OXR1: variants seen among roughly 807,000 people sequenced by gnomAD.
OXR1 encodes the protein oxidation resistance 1.
A neutral mutation model predicts 104.6 loss-of-function variants in OXR1; 41 were observed. That is an observed-to-expected ratio of 0.39 (90% CI 0.31 to 0.51). OXR1 has a LOEUF of 0.51. Among genes scored for constraint, OXR1 ranks in the 20% least tolerant of loss-of-function variants. The pLI is 0.77. For missense variants in OXR1, 955 were observed against 1,031.9 expected, an observed-to-expected ratio of 0.93 and a Z score of 1.02; for synonymous variants, 348 against 348.4, an observed-to-expected ratio of 1.00 and a Z score of 0.01.
intron 3 of OXR1, among the ~76,000 whole-genome samples, chr8:106,583,788 A>G (rs1818425547): frequency 6.6e-6 from 1 of 152,146 alleles, no homozygotes; most frequent in South Asian, 2.1e-4. Context: ...TTCGAAAAGC[A>G]GATTGACCTA....
At chr8:106,728,424 A>G (rs895117389) in intron 11 of OXR1, among the ~76,000 whole-genome samples, 4 of 152,104 alleles carry the variant, frequency 2.6e-5, no homozygotes, top group African/African-American at 4.8e-5. Flanking sequence ...CCAAATGCCT[A>G]TGTATGTAGT....
At chr8:106,606,803 T>C (rs1202478086) in intron 3 of OXR1, among the ~76,000 whole-genome samples, 1 of 152,122 alleles carries the variant, frequency 6.6e-6, no homozygotes, top group Non-Finnish European at 1.5e-5. Context: ...CAGGGATCAA[T>C]ATAAGAATAT....
chr8:106,609,645 G>A (rs1179646950), intron 3 of OXR1, among the ~76,000 whole-genome samples: 3 of 152,112 alleles, frequency 2.0e-5, no homozygotes, highest in Admixed American at 6.5e-5. Context: ...GTCAAAGTTA[G>A]AATGCAGATG....
chr8:106,656,866 T>C (rs576935794), intron 3 of OXR1, among the ~76,000 whole-genome samples: 1 of 150,676 alleles, frequency 6.6e-6, no homozygotes, highest in Non-Finnish European at 1.5e-5. Flanking sequence ...TCAGGAGGGA[T>C]AGTCTTTAGT....
intron 16 of OXR1, among the ~76,000 whole-genome samples, chr8:106,748,182 G>T (rs1835555597): frequency 6.6e-6 from 1 of 152,146 alleles, no homozygotes; most frequent in South Asian, 2.1e-4. Context: ...GTATTTTCCA[G>T]TGCCAGTGTC....
intron 3 of OXR1, among the ~76,000 whole-genome samples, chr8:106,619,803 A>T (rs1384714846): frequency 3.3e-5 from 5 of 152,062 alleles, no homozygotes; most frequent in Admixed American, 3.3e-4. Context: ...AGATCAGGAG[A>T]TTTGGCGTGA....
chr8:106,510,578 G>A (rs1379081273), intron 2 of OXR1, among the ~76,000 whole-genome samples: 6 of 152,142 alleles, frequency 3.9e-5, no homozygotes, highest in African/African-American at 1.2e-4. Flanking sequence ...AGTATTCATA[G>A]CATAAAATTA....
At chr8:106,591,676 A>G (rs1008188518) in intron 3 of OXR1, among the ~76,000 whole-genome samples, 6 of 152,060 alleles carry the variant, frequency 3.9e-5, no homozygotes, top group Non-Finnish European at 7.4e-5. Flanking sequence ...TATTGCTACC[A>G]CCACCACTAC....
At chr8:106,635,729 T>A (rs1823076446) in intron 3 of OXR1, among the ~76,000 whole-genome samples, 1 of 152,158 alleles carries the variant, frequency 6.6e-6, no homozygotes, top group Non-Finnish European at 1.5e-5. Flanking sequence ...ATTACAGGTG[T>A]GAGCCATTGC....
chr8:106,503,521 G>A (rs920439834), intron 2 of OXR1, among the ~76,000 whole-genome samples: 1 of 152,158 alleles, frequency 6.6e-6, no homozygotes, highest in Non-Finnish European at 1.5e-5. Context: ...AACCCTTAAG[G>A]GTAAGGGGTG....
intron 1 of OXR1, among the ~76,000 whole-genome samples, chr8:106,330,173 G>T (rs1503553): frequency 6.6e-6 from 1 of 151,882 alleles, no homozygotes; most frequent in Admixed American, 6.6e-5. Context: ...TCTCTCTTCC[G>T]TGCTTTTATA....
chr8:106,621,789 T>A (rs1351751424), intron 3 of OXR1, among the ~76,000 whole-genome samples: 3 of 152,204 alleles, frequency 2.0e-5, no homozygotes, highest in Non-Finnish European at 4.4e-5. Flanking sequence ...AGTCATTACT[T>A]GAAAATTATA....
chr8:106,481,150 G>C (rs1822089776), intron 2 of OXR1, among the ~76,000 whole-genome samples: 1 of 151,962 alleles, frequency 6.6e-6, no homozygotes, highest in South Asian at 2.1e-4. Context: ...AGACAGGCAA[G>C]TGCTTTAGTA....
chr8:106,694,341 T>C (rs1160625879), intron 7 of OXR1, among the ~76,000 whole-genome samples: 1 of 148,072 alleles, frequency 6.8e-6, no homozygotes. Context: ...ACTGTTATTG[T>C]GGATTTATCT....
intron 3 of OXR1, among the ~76,000 whole-genome samples, chr8:106,632,945 C>T (rs1255294984): frequency 6.7e-6 from 1 of 148,324 alleles, no homozygotes; most frequent in Non-Finnish European, 1.5e-5. Context: ...TTTCAAAAAA[C>T]AGCCAACCGG....
intron 4 of OXR1, 149 bp downstream of exon 4, chr8:106,679,441 A>G: frequency 2.3e-6 from 1 of 430,782 alleles, no homozygotes; most frequent in South Asian, 6.3e-5. Flanking sequence ...TTTATTTTTT[A>G]GTTGTTGTTT....
Position 106,657,946 on chromosome 8 carries a change from G to T in OXR1, c.221-21264G>T. On this transcript the variant is annotated intron_variant, in intron 3 of 16. Coordinates refer to ENST00000517566, the MANE Select transcript of OXR1 (RefSeq NM_001198533.2). ...GGTGGCCGCCACCGCCGAAACCGTCGACCTCCTGGGCCCCAGTTCCGCGTC... is the reference window on the plus strand; with the variant it reads ...GGTGGCCGCCACCGCCGAAACCGTCTACCTCCTGGGCCCCAGTTCCGCGTC... The T allele has an allele frequency of 2.4e-6, 3 of 1,247,788 alleles. No homozygotes were observed. In the South Asian group the frequency reaches 1.2e-4, roughly 51 times the overall value. The allele number at this position is 1,247,788 out of a possible 1,614,324, so 77.3% of individuals were successfully genotyped here.
intron 3 of OXR1, among the ~76,000 whole-genome samples, chr8:106,664,050 A>G (rs1402403897): frequency 6.6e-6 from 1 of 152,106 alleles, no homozygotes; most frequent in Admixed American, 6.5e-5. Context: ...GGAAGAGAAT[A>G]CTCTCTACTT....
At chr8:106,566,990 A>G (rs1048725657) in intron 3 of OXR1, among the ~76,000 whole-genome samples, 12 of 152,186 alleles carry the variant, frequency 7.9e-5, no homozygotes, top group Non-Finnish European at 1.8e-4. Context: ...GGGGAGGGAC[A>G]GCATTAGGAG....
Sources: allele counts gnomAD v4.1 joint callset (sites outside exome capture counted in the v4.1 genomes callset), GRCh38; gene constraint gnomAD v4.1.1; transcripts MANE v1.5; gene names NCBI Gene and HGNC (gene_info 2026-07-23, HGNC 2026-07-21).